Variants in MAP7 observed in about 807,000 individuals in gnomAD.
The protein encoded by MAP7 is ensconsin.
Under a neutral mutation model 94.8 loss-of-function variants are expected in MAP7, and 52 were observed. The ratio of observed to expected loss-of-function variants is 0.55; its 90% CI spans 0.44 to 0.69. The LOEUF (loss-of-function observed/expected upper bound fraction) is 0.69, where lower values mean the gene tolerates loss of function less well. Among genes scored for constraint, MAP7 ranks in the 30% least tolerant of loss-of-function variants. The pLI is 0.00. For synonymous variants in MAP7, 350 were observed against 357.0 expected, an observed-to-expected ratio of 0.98 and a Z score of 0.22; for missense variants, 940 against 964.6, an observed-to-expected ratio of 0.97 and a Z score of 0.34.
intron 1 of MAP7, among the ~76,000 whole-genome samples, chr6:136,518,802 T>A (rs1272898327): frequency 6.6e-6 from 1 of 152,214 alleles, no homozygotes; most frequent in Non-Finnish European, 1.5e-5. Flanking sequence ...TATAATCTTT[T>A]AATAAATAAT....
chr6:136,504,841 G>A (rs1370871889), intron 1 of MAP7, among the ~76,000 whole-genome samples: 1 of 151,900 alleles, frequency 6.6e-6, no homozygotes, highest in Non-Finnish European at 1.5e-5. Context: ...CACAACGCCT[G>A]GCTAATTTTT....
intron 1 of MAP7, among the ~76,000 whole-genome samples, chr6:136,462,657 G>A (rs1204532946): frequency 1.3e-5 from 2 of 152,056 alleles, no homozygotes; most frequent in Non-Finnish European, 2.9e-5. Flanking sequence ...GTGGATGATG[G>A]TATTTAAAAC....
intron 3 of MAP7, among the ~76,000 whole-genome samples, chr6:136,393,639 T>C (rs1163024941): frequency 2.6e-5 from 4 of 152,030 alleles, no homozygotes; most frequent in Non-Finnish European, 5.9e-5. Flanking sequence ...TCTATGTATC[T>C]ATCTATTTAT....
At chr6:136,383,137 C>A (rs890807453) in intron 6 of MAP7, among the ~76,000 whole-genome samples, 3 of 152,042 alleles carry the variant, frequency 2.0e-5, no homozygotes, top group Non-Finnish European at 2.9e-5. Flanking sequence ...TAGGCCAGAT[C>A]CCTCAAGAGT....
chr6:136,463,763 T>C (rs1056295210), intron 1 of MAP7, among the ~76,000 whole-genome samples: 2 of 152,170 alleles, frequency 1.3e-5, no homozygotes, highest in Non-Finnish European at 2.9e-5. Flanking sequence ...TAAATGAGAT[T>C]TGCCTGTGGT....
At chr6:136,524,356 C>T (rs990620470) in intron 1 of MAP7, among the ~76,000 whole-genome samples, 5 of 152,160 alleles carry the variant, frequency 3.3e-5, no homozygotes, top group African/African-American at 4.8e-5. Flanking sequence ...TCCAAAAATA[C>T]CCCATGAGAA....
intron 3 of MAP7, among the ~76,000 whole-genome samples, chr6:136,409,593 C>A (rs1270615937): frequency 6.6e-6 from 1 of 152,228 alleles, no homozygotes; most frequent in Non-Finnish European, 1.5e-5. Flanking sequence ...ATAATGCCTG[C>A]TCTTCTATCC....
In MAP7 at chr6:136,389,515, C is replaced by A. The variant is rs774521063; in HGVS notation, c.247G>T (p.Ala83Ser). The change falls in exon 4 of 18, where the codon GCA (alanine) becomes TCA (serine). Residue 83 changes from alanine (A) to serine (S), a missense_variant and splice_region_variant. Physicochemically the swap from Ala to Ser is moderately conservative, Grantham distance 99. Coordinates refer to ENST00000354570, the MANE Select transcript of MAP7 (RefSeq NM_003980.6). ...CTTTCTAACCACACTATTTCTCTTG[C>A]AGCTTTGGGGAGGGTTAAAAAAAAA... ...RREEREKQLA[A>S]REIVWLEREE... is the part of the protein sequence containing the mutation. 1 of 1,603,750 alleles carries A rather than the reference C, an allele frequency of 6.2e-7. No individual in the cohort carries two copies. Among genetic ancestry groups the A allele is most frequent in the Non-Finnish European group, 8.5e-7 (1 of 1,178,196 alleles).
In MAP7 at chr6:136,360,677, C is replaced by T. The variant is rs768890272; in HGVS notation, c.1803+20G>A. 6.2e-7 allele frequency: 1 copy of T among 1,612,208 alleles called. No homozygotes were observed. The highest frequency in any genetic ancestry group is 8.5e-7 in the Non-Finnish European group (1 of 1,178,462). On this transcript the variant is annotated intron_variant, in intron 13 of 17. Coordinates refer to ENST00000354570, the MANE Select transcript of MAP7 (RefSeq NM_003980.6). Reference sequence around the variant, plus strand: ...AGGTGCAAGTTCGCGTCCCGGGCCTCTCTACTAAGACGCAGCTACCTTCTT... The same window carrying T: ...AGGTGCAAGTTCGCGTCCCGGGCCTTTCTACTAAGACGCAGCTACCTTCTT...
At chr6:136,396,223 C>A (rs1782420920) in intron 3 of MAP7, among the ~76,000 whole-genome samples, 1 of 151,956 alleles carries the variant, frequency 6.6e-6, no homozygotes, top group South Asian at 2.1e-4. Flanking sequence ...GTGAGCTTTT[C>A]AATTTTTTTC....
chr6:136,387,537 G>A (rs1779498691), intron 5 of MAP7, among the ~76,000 whole-genome samples: 1 of 152,134 alleles, frequency 6.6e-6, no homozygotes, highest in Non-Finnish European at 1.5e-5. Context: ...AGGTGGTGAT[G>A]CTTCAGCTAT....
At chr6:136,421,661 A>C (rs573817350) in intron 2 of MAP7, 40 bp downstream of exon 2, 1 of 1,532,368 alleles carries the variant, frequency 6.5e-7, no homozygotes, top group African/African-American at 1.4e-5. Context: ...GGCATAAAAG[A>C]TAACCTTTAT....
At position 136,365,698 on chromosome 6, in the gene MAP7, G is replaced by C. The variant is rs200285950; in HGVS notation, c.1273+37C>G. On this transcript the variant is annotated intron_variant, in intron 10 of 17. Coordinates refer to ENST00000354570, the MANE Select transcript of MAP7 (RefSeq NM_003980.6). Reference sequence around the variant, plus strand: ...TCATCAAAACAGTGCGGGAGAAAAAGAGAGAGCACCCAGACCACAGGTGAG... The same window carrying C: ...TCATCAAAACAGTGCGGGAGAAAAACAGAGAGCACCCAGACCACAGGTGAG... 242 of 1,592,654 alleles carry C rather than the reference G, an allele frequency of 1.5e-4. No homozygotes were observed. In the African/African-American group the frequency reaches 3.0e-3, roughly 20 times the overall value.
intron 1 of MAP7, among the ~76,000 whole-genome samples, chr6:136,533,717 T>G (rs1445424376): frequency 6.6e-6 from 1 of 152,152 alleles, no homozygotes; most frequent in African/African-American, 2.4e-5. Flanking sequence ...CACATGGCAA[T>G]GGAGCAAGAG....
intron 1 of MAP7, among the ~76,000 whole-genome samples, chr6:136,474,253 G>A (rs1190816851): frequency 6.6e-6 from 1 of 152,158 alleles, no homozygotes. Flanking sequence ...GAAACCTTTG[G>A]CAGGTAAAAA....
intron 1 of MAP7, among the ~76,000 whole-genome samples, chr6:136,464,638 T>A (rs1228404745): frequency 6.6e-6 from 1 of 152,256 alleles, no homozygotes; most frequent in Non-Finnish European, 1.5e-5. Flanking sequence ...ACAATTAGCA[T>A]GTTCCACTGC....
chr6:136,422,029 A>G (rs1791541316), intron 1 of MAP7, among the ~76,000 whole-genome samples: 1 of 152,250 alleles, frequency 6.6e-6, no homozygotes, highest in Non-Finnish European at 1.5e-5. Flanking sequence ...GGCATGTTCA[A>G]GGGGCCATGA....
intron 1 of MAP7, among the ~76,000 whole-genome samples, chr6:136,426,070 T>C (rs1282575311): frequency 6.6e-6 from 1 of 152,170 alleles, no homozygotes; most frequent in Non-Finnish European, 1.5e-5. Flanking sequence ...TCAAAAATCA[T>C]CTCCTAGTAT....
At chr6:136,509,510 C>T (rs1329299965) in intron 1 of MAP7, among the ~76,000 whole-genome samples, 4 of 152,098 alleles carry the variant, frequency 2.6e-5, no homozygotes, top group African/African-American at 9.7e-5. Context: ...ACCTGGGCCT[C>T]CCAAAGTGCT....
Sources: gnomAD v4.1 joint callset for allele counts (sites outside exome capture counted in the v4.1 genomes callset) on GRCh38, gnomAD v4.1.1 for gene constraint, MANE v1.5 for transcripts, NCBI Gene and HGNC (gene_info 2026-07-23, HGNC 2026-07-21) for gene names.